The following SLC6A15 variants were observed in gnomAD, a reference collection of about 807,000 sequenced individuals.
SLC6A15 encodes the protein solute carrier family 6 member 15, also known as sodium-dependent neutral amino acid transporter B(0)AT2.
Under a neutral mutation model 68.5 loss-of-function variants are expected in SLC6A15, and 33 were observed. The observed-to-expected ratio is 0.48, with a 90% CI of 0.37 to 0.64. The LOEUF is 0.64. Ranked by LOEUF, SLC6A15 falls within the 30% of genes least tolerant of loss-of-function variation. The pLI, the probability that SLC6A15 is intolerant of heterozygous loss-of-function variation, is 0.00. For synonymous variants in SLC6A15, 347 were observed against 301.0 expected, an observed-to-expected ratio of 1.15 and a Z score of -1.58; for missense variants, 747 against 874.3, an observed-to-expected ratio of 0.85 and a Z score of 1.84.
chr12:84,907,432 A>G (rs1873222181), intron 1 of SLC6A15, among the ~76,000 whole-genome samples: 1 of 152,192 alleles, frequency 6.6e-6, no homozygotes, highest in African/African-American at 2.4e-5. Flanking sequence ...AATATTATAT[A>G]TGAATGACAA....
chr12:84,911,174 T>C (rs1302471435), intron 1 of SLC6A15, among the ~76,000 whole-genome samples: 1 of 152,102 alleles, frequency 6.6e-6, no homozygotes, highest in Non-Finnish European at 1.5e-5. Context: ...ACAAACACTT[T>C]GTTGCTGGCA....
intron 2 of SLC6A15, among the ~76,000 whole-genome samples, chr12:84,886,741 C>A (rs943045626): frequency 4.6e-5 from 7 of 151,986 alleles, no homozygotes; most frequent in Admixed American, 2.6e-4. Context: ...CATTTAATAT[C>A]TATTGTAAAA....
At chr12:84,883,051 C>T (rs1871897310) in intron 5 of SLC6A15, 2 of 983,752 alleles carry the variant, frequency 2.0e-6, no homozygotes, top group Non-Finnish European at 2.4e-6. Flanking sequence ...GAAAATAGCA[C>T]AGCTGGACAG....
rs776993889 is a variant in SLC6A15 at position 84,861,651 on chromosome 12, A to G, written c.2174T>C (p.Met725Thr). Residue 725 changes from methionine (M) to threonine (T), a missense_variant, in exon 12 of 12, where the codon ATG (methionine) becomes ACG (threonine). By Grantham distance (81) the Met-to-Thr change is moderately conservative. Coordinates refer to ENST00000266682, the MANE Select transcript of SLC6A15 (RefSeq NM_182767.6). Reference protein sequence around the residue: ...GYLMADIMPDMPESDL With the variant: ...GYLMADIMPDTPESDL The stretch of plus-strand genomic sequence containing the variant: ...CCCCAGCTACAAATCAGATTCTGGC[A>G]TATCTGGCATAATATCTGCCATCAA... 6.3e-6 allele frequency: 10 copies of G among 1,598,442 alleles called. No homozygotes were observed. In the South Asian group the frequency reaches 1.1e-4, roughly 18 times the overall value.
At chr12:84,890,305 C>T (rs141073822) in intron 2 of SLC6A15, among the ~76,000 whole-genome samples, 3 of 152,268 alleles carry the variant, frequency 2.0e-5, no homozygotes, top group African/African-American at 7.2e-5. Flanking sequence ...TAGCACTCTC[C>T]AGCAAGACAG....
At chr12:84,868,452 A>T (rs966361491) in intron 9 of SLC6A15, among the ~76,000 whole-genome samples, 33 of 152,170 alleles carry the variant, frequency 2.2e-4, no homozygotes, top group African/African-American at 6.8e-4. Context: ...ATCTGCACCC[A>T]AATCTGTCTG....
At position 84,867,028 on chromosome 12, in the gene SLC6A15, A is replaced by T; in HGVS notation, c.1655+6T>A. Reference sequence around the variant, plus strand: ...AAAGTGAATACATAAAAGCAAATATACTTACTTATCTATGCCATAAACAAA... The same window carrying T: ...AAAGTGAATACATAAAAGCAAATATTCTTACTTATCTATGCCATAAACAAA... On this transcript the variant is annotated splice_donor_region_variant and intron_variant, in intron 10 of 11. Transcript: ENST00000266682. 6.3e-7 allele frequency: 1 copy of T among 1,576,596 alleles called. No homozygotes were observed. Among genetic ancestry groups the T allele is most frequent in the Non-Finnish European group, 8.6e-7 (1 of 1,164,566 alleles).
intron 9 of SLC6A15, among the ~76,000 whole-genome samples, chr12:84,869,443 C>G (rs1227299199): frequency 8.3e-6 from 1 of 121,090 alleles, no homozygotes; most frequent in Non-Finnish European, 1.6e-5. Flanking sequence ...CCAGCCTGGG[C>G]GACAGAGCAA....
chr12:84,885,816 T>A, intron 3 of SLC6A15, 95 bp downstream of exon 3: 1 of 1,280,538 alleles, frequency 7.8e-7, no homozygotes, highest in Non-Finnish European at 1.1e-6. Context: ...AAAGAGTTGT[T>A]TATTAACACA....
At chr12:84,885,191 A>C (rs1398087949) in intron 4 of SLC6A15, among the ~76,000 whole-genome samples, 1 of 152,182 alleles carries the variant, frequency 6.6e-6, no homozygotes, top group Non-Finnish European at 1.5e-5. Flanking sequence ...GTGAAGGCTT[A>C]TAATACTTTA....
intron 6 of SLC6A15, among the ~76,000 whole-genome samples, chr12:84,875,483 C>T (rs895874384): frequency 3.3e-5 from 5 of 151,574 alleles, no homozygotes; most frequent in Admixed American, 6.6e-5. Flanking sequence ...CAAAGAATTC[C>T]AGAGAAGCTA....
intron 1 of SLC6A15, among the ~76,000 whole-genome samples, chr12:84,895,651 T>G (rs1872608220): frequency 6.6e-6 from 1 of 152,026 alleles, no homozygotes. Context: ...CCAGTTTGTT[T>G]GTATTTTTAC....
chr12:84,886,349 C>T (rs1872102709), intron 2 of SLC6A15, among the ~76,000 whole-genome samples: 2 of 151,890 alleles, frequency 1.3e-5, no homozygotes, highest in South Asian at 4.1e-4. Context: ...GTTTCATTTT[C>T]CATAAAAATA....
At chr12:84,890,318 A>G (rs1872327492) in intron 2 of SLC6A15, among the ~76,000 whole-genome samples, 2 of 152,210 alleles carry the variant, frequency 1.3e-5, no homozygotes, top group Admixed American at 1.3e-4. Flanking sequence ...CAAGACAGAA[A>G]TTGTACTAAA....
chr12:84,891,758 G>C (rs1254079128), intron 2 of SLC6A15, 74 bp downstream of exon 2: 1 of 1,370,148 alleles, frequency 7.3e-7, no homozygotes, highest in Non-Finnish European at 1.0e-6. Flanking sequence ...ATGAGAAACA[G>C]CAATAATAGG....
At chr12:84,881,487 T>C (rs1394258888) in intron 5 of SLC6A15, 1 of 985,414 alleles carries the variant, frequency 1.0e-6, no homozygotes, top group Non-Finnish European at 1.2e-6. Flanking sequence ...AAGATTTCAG[T>C]AAAATCCAGT....
At chr12:84,885,711 T>C in intron 3 of SLC6A15, 150 bp from the exon 4 acceptor site, 2 of 1,055,222 alleles carry the variant, frequency 1.9e-6, no homozygotes, top group Non-Finnish European at 1.3e-6. Flanking sequence ...AAAGTTAATG[T>C]CTTTCTCAGG....
Position 84,863,593 on chromosome 12 carries a change from T to C in SLC6A15, c.1664A>G (p.Glu555Gly), listed in dbSNP as rs750865508. 1.0e-4 allele frequency: 158 copies of C among 1,531,498 alleles called. No individual in the cohort carries two copies. Among genetic ancestry groups the C allele is most frequent in the Admixed American group, 5.0e-4 (21 of 41,826 alleles). The allele number at this position is 1,531,498 out of a possible 1,614,324, so 94.9% of individuals were successfully genotyped here. Reference sequence around the variant, plus strand: ...AAAGCCCAGCATATCTTTTAGGTCTTCCATAAACCTGAATAAAAAGAAAGT... The same window carrying C: ...AAAGCCCAGCATATCTTTTAGGTCTCCCATAAACCTGAATAAAAAGAAAGT... ...CFVYGIDKFM[E>G]DLKDMLGFAP... Residue 555 changes from glutamate to glycine, a missense_variant, in exon 11 of 12, where the codon GAA becomes GGA. Physicochemically the swap from Glu to Gly is moderately conservative, Grantham distance 98 (BLOSUM62 -2). Transcript: ENST00000266682.
intron 5 of SLC6A15, chr12:84,881,422 T>A: frequency 1.0e-6 from 1 of 982,984 alleles, no homozygotes; most frequent in Non-Finnish European, 1.2e-6. Context: ...TTGGTTTAAC[T>A]ATTTGAAGAC....
Sources: allele counts gnomAD v4.1 joint callset (sites outside exome capture counted in the v4.1 genomes callset), GRCh38; gene constraint gnomAD v4.1.1; transcripts MANE v1.5; gene names NCBI Gene and HGNC (gene_info 2026-07-23, HGNC 2026-07-21).